The following MPP7 variants were observed in gnomAD, a reference collection of about 807,000 sequenced individuals.
The protein encoded by MPP7 is MAGUK p55 subfamily member 7.
A neutral mutation model predicts 76.5 loss-of-function variants in MPP7; 60 were observed. That is an observed-to-expected ratio of 0.78 (90% confidence interval 0.64 to 0.97). MPP7 has a LOEUF of 0.97. Among genes scored for constraint, MPP7 ranks in the 50% least tolerant of loss-of-function variants. The probability of loss-of-function intolerance (pLI) is 0.00; values close to 1 mark genes in which losing one functional copy is unlikely to be tolerated. For missense variants in MPP7, 641 were observed against 694.0 expected (o/e 0.92, Z 0.86); for synonymous variants, 237 against 244.5 (o/e 0.97, Z 0.29).
intron 13 of MPP7, among the ~76,000 whole-genome samples, chr10:28,068,392 G>A (rs557399911): frequency 4.4e-4 from 66 of 150,362 alleles, no homozygotes; most frequent in East Asian, 2.4e-3. Context: ...AGAGAACATC[G>A]CTAAGGGCAA....
intron 12 of MPP7, among the ~76,000 whole-genome samples, chr10:28,074,980 C>T (rs574273883): frequency 3.0e-4 from 46 of 152,156 alleles, no homozygotes; most frequent in African/African-American, 9.6e-4. Context: ...CCCACAGTTC[C>T]GCAGGCTGCC....
In MPP7 at chr10:28,263,676, G is replaced by C. The variant is rs553088885; in HGVS notation, c.-131-24941C>G. On this transcript the variant is annotated intron_variant, in intron 1 of 16. Transcript: ENST00000683449. ...GGAGCTGGCCCACGATCTGCAAAGA[G>C]GAAAGGATGGCAGGGGAGGGGCAGA... Among the ~76,000 whole-genome samples, 4 of 152,300 alleles carry C rather than the reference G, an allele frequency of 2.6e-5. No individual in the cohort carries two copies. In the South Asian group the frequency reaches 8.3e-4, roughly 32 times the overall value.
chr10:28,310,885 T>C (rs138107622), intron 2 of MPP7, among the ~76,000 whole-genome samples: 304 of 152,336 alleles, frequency 2.0e-3, no homozygotes, highest in Non-Finnish European at 3.3e-3. Flanking sequence ...TTGCGGGTTT[T>C]GCCATTTAAA....
At chr10:28,154,472 C>T (rs1298097870) in intron 3 of MPP7, among the ~76,000 whole-genome samples, 1 of 152,138 alleles carries the variant, frequency 6.6e-6, no homozygotes, top group East Asian at 1.9e-4. Flanking sequence ...GTGTTTGCAA[C>T]ATCTCTACAC....
At chr10:28,213,111 TA>T (rs1838196910) in intron 2 of MPP7, among the ~76,000 whole-genome samples, 1 of 152,072 alleles carries the variant, frequency 6.6e-6, no homozygotes, top group Non-Finnish European at 1.5e-5. Flanking sequence ...GACTAATTTT[TA>T]ATTTTTTTTG....
At chr10:28,185,635 A>G (rs1028578852) in intron 3 of MPP7, among the ~76,000 whole-genome samples, 1 of 152,196 alleles carries the variant, frequency 6.6e-6, no homozygotes, top group Non-Finnish European at 1.5e-5. Context: ...CAATCATTTA[A>G]TGATTATTAA....
intron 2 of MPP7, among the ~76,000 whole-genome samples, chr10:28,205,404 C>G (rs1365141764): frequency 4.6e-5 from 7 of 152,102 alleles, no homozygotes; most frequent in Admixed American, 2.0e-4. Flanking sequence ...TGGTTTGGGT[C>G]ATGGAGATTC....
chr10:28,109,979 ACAT>A (rs1313996201), intron 11 of MPP7, among the ~76,000 whole-genome samples: 2 of 151,614 alleles, frequency 1.3e-5, no homozygotes, highest in Non-Finnish European at 1.5e-5. Flanking sequence ...ATATTTTTAA[ACAT>A]CATGCAGGGT....
chr10:28,207,035 T>C (rs1462102397), intron 2 of MPP7, among the ~76,000 whole-genome samples: 1 of 152,208 alleles, frequency 6.6e-6, no homozygotes, highest in Non-Finnish European at 1.5e-5. Context: ...ACAATGTGCC[T>C]TCTCCATTCA....
In MPP7 at chr10:28,274,690, C is replaced by A. The variant is rs745475916; in HGVS notation, c.-132+28171G>T. Among the ~76,000 whole-genome samples, 3 of 152,108 alleles carry A rather than the reference C, an allele frequency of 2.0e-5. No individual in the cohort carries two copies. The South Asian group carries it at 6.2e-4, about 31-fold the overall frequency. ...GACTAAAGTATAGCACAGCTCAAAC[C>A]CTGGACTACATAGGAGGCTGCCTGG... On this transcript the variant is annotated intron_variant, in intron 1 of 16. Transcript: ENST00000683449.
At chr10:28,230,394 AG>A (rs1200581585) in intron 2 of MPP7, among the ~76,000 whole-genome samples, 1 of 152,196 alleles carries the variant, frequency 6.6e-6, no homozygotes, top group Non-Finnish European at 1.5e-5. Flanking sequence ...TTAGGAACAC[AG>A]AAGAGCTGAA....
intron 5 of MPP7, among the ~76,000 whole-genome samples, chr10:28,132,015 G>A (rs1380118978): frequency 6.6e-6 from 1 of 151,992 alleles, no homozygotes; most frequent in South Asian, 2.1e-4. Context: ...GTAGCAATTT[G>A]GGGCAAGAGT....
In MPP7 at chr10:28,092,577, C is replaced by CTTTTTTTT. The variant is rs397969009; in HGVS notation, c.953-2744_953-2737dup. On this transcript the variant is annotated intron_variant, in intron 11 of 16. Coordinates refer to ENST00000683449, the MANE Select transcript of MPP7 (RefSeq NM_001318170.2). ...GCTTCATAGAACCCAGAAAAGGGAC[C>CTTTTTTTT]TTTTTTTTTTTTTGAGACAGGGACT... 5.6e-4 allele frequency among the ~76,000 whole-genome samples: 68 copies of CTTTTTTTT among 121,096 alleles called. 6 individuals are homozygous for CTTTTTTTT. Among genetic ancestry groups the CTTTTTTTT allele is most frequent in the East Asian group, 1.9e-3 (6 of 3,148 alleles). 79.4% of individuals were successfully genotyped at this position (121,096 alleles called of 152,430 possible). A position where few individuals can be genotyped will look rare whatever the true frequency, so the allele number is the denominator to read the frequency against.
intron 3 of MPP7, among the ~76,000 whole-genome samples, chr10:28,186,347 G>GA (rs34114065): frequency 0.55 from 73,802 of 134,638 alleles, 20,666 homozygotes; most frequent in Middle Eastern, 0.74. Flanking sequence ...CTCCATCTCA[G>GA]AAAAAAAAAA....
chr10:28,114,602 C>T (rs1462843190), intron 11 of MPP7, among the ~76,000 whole-genome samples: 2 of 152,122 alleles, frequency 1.3e-5, no homozygotes, highest in African/African-American at 4.8e-5. Flanking sequence ...GAAACTGTGT[C>T]TATATTAGTG....
intron 2 of MPP7, among the ~76,000 whole-genome samples, chr10:28,221,012 C>T (rs1039686366): frequency 6.6e-6 from 1 of 152,054 alleles, no homozygotes; most frequent in African/African-American, 2.4e-5. Flanking sequence ...GCTTTCTTTG[C>T]AAACATTCTC....
chr10:28,174,753 C>T (rs1588884975), intron 3 of MPP7, among the ~76,000 whole-genome samples: 1 of 152,194 alleles, frequency 6.6e-6, no homozygotes, highest in East Asian at 1.9e-4. Flanking sequence ...GAAACACATA[C>T]ACATTCAGGC....
intron 11 of MPP7, among the ~76,000 whole-genome samples, chr10:28,106,717 G>C (rs1043086209): frequency 2.0e-5 from 3 of 151,944 alleles, no homozygotes; most frequent in Admixed American, 6.6e-5. Context: ...AAACTGCCTC[G>C]GACTCAACGG....
chr10:28,159,765 T>C (rs887702951), intron 3 of MPP7, among the ~76,000 whole-genome samples: 1 of 152,332 alleles, frequency 6.6e-6, no homozygotes, highest in East Asian at 1.9e-4. Flanking sequence ...GGGCTTTCCA[T>C]ATGCCTTTAC....
Sources: allele counts gnomAD v4.1 joint callset (sites outside exome capture counted in the v4.1 genomes callset), GRCh38; gene constraint gnomAD v4.1.1; transcripts MANE v1.5; gene names NCBI Gene and HGNC (gene_info 2026-07-23, HGNC 2026-07-21).